NOL12: variants seen among roughly 807,000 people sequenced by gnomAD.
NOL12 encodes nucleolar protein 12.
Under a neutral mutation model 25.2 loss-of-function variants are expected in NOL12, and 21 were observed. The ratio of observed to expected loss-of-function variants is 0.83; its 90% CI spans 0.59 to 1.20. The LOEUF (loss-of-function observed/expected upper bound fraction) is 1.20. Ranked by LOEUF, NOL12 falls within the 50% of genes most tolerant of loss-of-function variation. The pLI is 0.00. For synonymous variants in NOL12, 133 were observed against 113.8 expected (o/e 1.17, Z -1.08); for missense variants, 286 against 287.6 (o/e 0.99, Z 0.04).
intron 1 of NOL12, 30 bp from the exon 2 acceptor site, chr22:37,687,880 C>G (rs750296698): frequency 1.1e-5 from 16 of 1,518,852 alleles, no homozygotes; most frequent in Non-Finnish European, 1.4e-5. Context: ...TATAATGACT[C>G]TCCTGTCTCT....
rs1008654739 is a variant in NOL12, at chr22:37,692,650, G to A, written c.*1314G>A. ...GGCTTGCTGACGCCCGTGGACTATG[G>A]AGTCAGGATGACAGGACAGTGCGGT... On this transcript the variant is annotated 3_prime_UTR_variant, in exon 6 of 6. Transcript: ENST00000359114. 1.8e-5 allele frequency: 7 copies of A among 398,706 alleles called. No homozygotes were observed. The highest frequency in any genetic ancestry group is 3.1e-5 in the Non-Finnish European group (7 of 226,216). 24.7% of individuals were successfully genotyped at this position (398,706 alleles called of 1,614,324 possible). A position where few individuals can be genotyped will look rare whatever the true frequency, so the allele number is the denominator to read the frequency against.
chr22:37,690,368 C>T (rs138758831), intron 4 of NOL12, among the ~76,000 whole-genome samples: 22 of 152,270 alleles, frequency 1.4e-4, no homozygotes, highest in African/African-American at 3.9e-4. Context: ...GATCTCACAC[C>T]GGTCTTTCAT....
chr22:37,688,416 C>T, intron 3 of NOL12, 56 bp downstream of exon 3: 1 of 1,573,914 alleles, frequency 6.4e-7, no homozygotes, highest in Non-Finnish European at 8.7e-7. Flanking sequence ...GGTTTATACC[C>T]TTGGTGGGTG....
At position 37,686,976 on chromosome 22, in the gene NOL12, C is replaced by T. The variant is rs944190340; in HGVS notation, c.83+501C>T. 9 of 985,228 alleles carry T rather than the reference C, an allele frequency of 9.1e-6. No homozygotes were observed. The African/African-American group carries it at 1.6e-4, about 17-fold the overall frequency. 61.0% of individuals were successfully genotyped at this position (985,228 alleles called of 1,614,324 possible). On this transcript the variant is annotated intron_variant, in intron 1 of 5. Transcript: ENST00000359114. ...GGTCAGCGAAAAGCCCAGTGCTGGA[C>T]CGTGGGACAAAATGGGAACAGAGCA...
At chr22:37,687,496 C>T (rs542866039) in intron 1 of NOL12, among the ~76,000 whole-genome samples, 6 of 152,242 alleles carry the variant, frequency 3.9e-5, no homozygotes, top group East Asian at 3.9e-4. Context: ...GAGTCTGTGT[C>T]GTCCAGGCTG....
rs371527700 is a variant in NOL12, at chr22:37,688,974, C to T, written c.363C>T (p.Leu121=). 29 of 1,612,568 alleles carry T rather than the reference C, an allele frequency of 1.8e-5. No homozygotes were observed. Among genetic ancestry groups the T allele is most frequent in the African/African-American group, 2.7e-5 (2 of 74,928 alleles). Residue 121 remains leucine, a synonymous_variant, in exon 4 of 6, where the codon CTC becomes CTT. Coordinates refer to ENST00000359114, the MANE Select transcript of NOL12 (RefSeq NM_024313.3). The part of the protein sequence containing the change: ...SDLDLSGARL[L]GLTPPEGGAG... ...TGGACCTCTCGGGGGCCCGGCTGCT[C>T]GGGCTGACCCCACCTGAGGTGGGTC...
rs1160176149 is a variant in NOL12, at chr22:37,688,329, G to A, written c.207G>A (p.Leu69=). 6.2e-7 allele frequency: 1 copy of A among 1,614,196 alleles called. No individual in the cohort carries two copies. Among genetic ancestry groups the A allele is most frequent in the Admixed American group, 1.7e-5 (1 of 60,014 alleles). The part of the protein sequence containing the change: ...KLREERHQEY[L]KMLAEREEAL... Reference sequence around the variant, plus strand: ...GGTTTCAGCGCCACCAGGAATACTTGAAGATGCTGGCAGAGAGAGAAGAGG... The same window carrying A: ...GGTTTCAGCGCCACCAGGAATACTTAAAGATGCTGGCAGAGAGAGAAGAGG... The change falls in exon 3 of 6, where the codon TTG becomes TTA. Residue 69 remains leucine, a synonymous_variant. Coordinates refer to ENST00000359114, the MANE Select transcript of NOL12 (RefSeq NM_024313.3).
In NOL12 at chr22:37,692,466, C is replaced by T. The variant is rs74378834; in HGVS notation, c.*1130C>T. 1,403 of 398,688 alleles carry T rather than the reference C, an allele frequency of 3.5e-3. 21 individuals carry two copies. The highest frequency in any genetic ancestry group is 0.027 in the African/African-American group (1,324 of 48,748). 24.7% of individuals were successfully genotyped at this position (398,688 alleles called of 1,614,324 possible). A position where few individuals can be genotyped will look rare whatever the true frequency, so the allele number is the denominator to read the frequency against. On this transcript the variant is annotated 3_prime_UTR_variant, in exon 6 of 6. Transcript: ENST00000359114. ...AACTCCACAAGGGGCCATGTCTTCA[C>T]ACTCCTTCCAGATGGATGAGTTGAT... is the stretch of plus-strand genomic sequence containing the variant.
intron 4 of NOL12, 106 bp from the exon 5 acceptor site, chr22:37,690,591 G>A: frequency 1.4e-6 from 1 of 728,788 alleles, no homozygotes; most frequent in South Asian, 1.7e-5. Context: ...GGCCTGTGAT[G>A]CAGCAGGGCG....
intron 1 of NOL12, 110 bp downstream of exon 1, chr22:37,686,585 C>T: frequency 7.2e-7 from 1 of 1,397,698 alleles, no homozygotes; most frequent in Non-Finnish European, 9.3e-7. Flanking sequence ...CGCCCCCTGG[C>T]GTGGCTAGAG....
intron 1 of NOL12, chr22:37,687,648 G>C (rs1226408396): frequency 1.3e-5 from 4 of 315,480 alleles, no homozygotes; most frequent in Non-Finnish European, 2.4e-5. Context: ...AGTAGACACG[G>C]AGTTTCACCA....
Position 37,688,978 on chromosome 22 carries a change from C to G in NOL12, c.367C>G (p.Leu123Val), listed in dbSNP as rs1325221626. ...CCTCTCGGGGGCCCGGCTGCTCGGG[C>G]TGACCCCACCTGAGGTGGGTCCCAG... ...LDLSGARLLG[L>V]TPPEGGAGDR... The change falls in exon 4 of 6, where the codon CTG becomes GTG. Residue 123 changes from leucine to valine, a missense_variant. Leu to Val is a conservative substitution (Grantham distance 32). Transcript: ENST00000359114. 2 of 1,612,214 alleles carry G rather than the reference C, an allele frequency of 1.2e-6. No individual in the cohort carries two copies. Among genetic ancestry groups the G allele is most frequent in the South Asian group, 2.2e-5 (2 of 91,080 alleles).
At position 37,686,475 on chromosome 22, in the gene NOL12, G is replaced by C. The variant is rs773770722; in HGVS notation, c.83G>C (p.Arg28Pro). 6.3e-7 allele frequency: 1 copy of C among 1,597,818 alleles called. No individual in the cohort carries two copies. The highest frequency in any genetic ancestry group is 1.1e-5 in the South Asian group (1 of 88,394). Residue 28 changes from arginine to proline, a missense_variant and splice_region_variant, in exon 1 of 6, where the codon CGG becomes CCG. Transcript: ENST00000359114. The part of the protein sequence containing the change: ...LVLSFDEEKR[R>P]EYLTGFHKRK... ...CTTAGCTTCGACGAGGAGAAGAGGC[G>C]GTGAGTGGCAAAGCCGGACCGGACT...
Position 37,690,632 on chromosome 22 carries a change from G to A in NOL12, c.382-65G>A, listed in dbSNP as rs781575675. The A allele has an allele frequency of 4.6e-5, 56 of 1,217,798 alleles. 1 individual carries two copies. The highest frequency in any genetic ancestry group is 3.9e-4 in the Middle Eastern group (2 of 5,146). 75.4% of individuals were successfully genotyped at this position (1,217,798 alleles called of 1,614,324 possible). A position where few individuals can be genotyped will look rare whatever the true frequency, so the allele number is the denominator to read the frequency against. On this transcript the variant is annotated intron_variant, in intron 4 of 5. Transcript: ENST00000359114. The stretch of plus-strand genomic sequence containing the variant: ...CCACTTGCCAGAGCCATGGTGGCTC[G>A]GGGTGCCCAGCCCAGGTCCCCCCAG...
chr22:37,690,647 G>A, intron 4 of NOL12, 50 bp from the exon 5 acceptor site: 1 of 1,428,442 alleles, frequency 7.0e-7, no homozygotes, highest in Non-Finnish European at 9.8e-7. Context: ...GCCCAGCCCA[G>A]GTCCCCCCAG....
intron 4 of NOL12, 65 bp downstream of exon 4, chr22:37,689,057 C>T: frequency 1.3e-6 from 2 of 1,557,142 alleles, no homozygotes; most frequent in East Asian, 4.5e-5. Flanking sequence ...CAGGGTTGCT[C>T]AGTGCTGGCC....
At chr22:37,691,111 T>C in intron 5 of NOL12, 63 bp from the exon 6 acceptor site, 17 of 1,527,388 alleles carry the variant, frequency 1.1e-5, no homozygotes, top group Non-Finnish European at 1.4e-5. Flanking sequence ...ATCCCCTCCG[T>C]GAGCCAGGTG....
chr22:37,689,117 C>CCTGGGA (rs1921953273), intron 4 of NOL12, 125 bp downstream of exon 4: 2 of 1,197,920 alleles, frequency 1.7e-6, no homozygotes, highest in East Asian at 4.8e-5. Flanking sequence ...GGCGTGGGGG[C>CCTGGGA]AGACTGGCTT....
At chr22:37,687,244 A>T in intron 1 of NOL12, 1 of 277,064 alleles carries the variant, frequency 3.6e-6, no homozygotes, top group Non-Finnish European at 5.4e-6. Context: ...GGGTTACCTC[A>T]TGTACTGTGT....
Sources: gnomAD v4.1 joint callset for allele counts (sites outside exome capture counted in the v4.1 genomes callset) on GRCh38, gnomAD v4.1.1 for gene constraint, MANE v1.5 for transcripts, NCBI Gene and HGNC (gene_info 2026-07-23, HGNC 2026-07-21) for gene names.